Variants in ZNF423 observed in about 807,000 individuals in gnomAD.
ZNF423 encodes the protein zinc finger protein 423, also known as Ebf-associated zinc finger protein.
Under a neutral mutation model 95.8 loss-of-function variants are expected in ZNF423, and 12 were observed. That is an observed-to-expected ratio of 0.13 (90% CI 0.08 to 0.20). The LOEUF (loss-of-function observed/expected upper bound fraction) is 0.20, where lower values mean the gene tolerates loss of function less well. Among genes scored for constraint, ZNF423 ranks in the 10% least tolerant of loss-of-function variants. The probability of loss-of-function intolerance (pLI) is 1.00; values close to 1 mark genes in which losing one functional copy is unlikely to be tolerated. For missense variants in ZNF423, 1,316 were observed against 1,737.1 expected (o/e 0.76, Z 4.31); for synonymous variants, 749 against 711.9 (o/e 1.05, Z -0.83).
intron 5 of ZNF423, among the ~76,000 whole-genome samples, chr16:49,556,493 C>T (rs894063460): frequency 2.0e-5 from 3 of 152,128 alleles, no homozygotes; most frequent in Non-Finnish European, 4.4e-5. Flanking sequence ...CTCGGAGGCC[C>T]CCACAGCCCC....
intron 5 of ZNF423, among the ~76,000 whole-genome samples, chr16:49,600,332 A>C (rs1191097097): frequency 6.6e-6 from 1 of 151,862 alleles, no homozygotes; most frequent in Non-Finnish European, 1.5e-5. Context: ...AAAAATAATA[A>C]ATAAAAATTA....
chr16:49,800,855 G>T (rs552496928), intron 1 of ZNF423, among the ~76,000 whole-genome samples: 19 of 152,300 alleles, frequency 1.2e-4, no homozygotes, highest in Non-Finnish European at 2.4e-4. Context: ...CATGGCTTCA[G>T]CTCAAAGGCA....
intron 1 of ZNF423, among the ~76,000 whole-genome samples, chr16:49,829,275 T>A (rs557963743): frequency 6.6e-6 from 1 of 152,322 alleles, no homozygotes; most frequent in African/African-American, 2.4e-5. Context: ...ACGGAACTGC[T>A]TTCCCAGGAG....
At chr16:49,692,997 A>T (rs1250098413) in intron 3 of ZNF423, among the ~76,000 whole-genome samples, 2 of 152,250 alleles carry the variant, frequency 1.3e-5, no homozygotes, top group South Asian at 4.1e-4. Context: ...TGCCTCTGTG[A>T]GTTCCACAAG....
intron 1 of ZNF423, among the ~76,000 whole-genome samples, chr16:49,809,118 G>A (rs913249698): frequency 3.3e-5 from 5 of 152,244 alleles, no homozygotes; most frequent in African/African-American, 1.2e-4. Context: ...CATTTTCCGC[G>A]TGTCCTGCGA....
intron 3 of ZNF423, among the ~76,000 whole-genome samples, chr16:49,709,168 T>TTATATATA (rs534895949): frequency 4.3e-5 from 4 of 93,458 alleles, no homozygotes; most frequent in South Asian, 3.6e-4. Context: ...CAGCAGCCGT[T>TTATATATA]TATATATATA....
intron 1 of ZNF423, among the ~76,000 whole-genome samples, chr16:49,813,221 T>C (rs1212979204): frequency 7.0e-6 from 1 of 142,216 alleles, no homozygotes; most frequent in Admixed American, 7.0e-5. Flanking sequence ...CAGGTCTACC[T>C]TGGTGACTCC....
intron 3 of ZNF423, among the ~76,000 whole-genome samples, chr16:49,686,153 C>T (rs75082990): frequency 1.3e-5 from 2 of 152,174 alleles, no homozygotes; most frequent in African/African-American, 4.8e-5. Flanking sequence ...GGAAGCTCCA[C>T]AGGGGGAGAG....
intron 5 of ZNF423, among the ~76,000 whole-genome samples, chr16:49,622,937 C>A (rs550692783): frequency 1.3e-5 from 2 of 152,262 alleles, no homozygotes; most frequent in East Asian, 3.9e-4. Context: ...GAAGCAGAGA[C>A]CATGTCCCCT....
chr16:49,548,379 T>G (rs1186347112), intron 5 of ZNF423, among the ~76,000 whole-genome samples: 3 of 152,180 alleles, frequency 2.0e-5, no homozygotes, highest in Non-Finnish European at 2.9e-5. Context: ...GTTTATATAT[T>G]TATGCTATTT....
At chr16:49,779,087 A>G (rs2034167926) in intron 2 of ZNF423, among the ~76,000 whole-genome samples, 2 of 152,144 alleles carry the variant, frequency 1.3e-5, no homozygotes, top group African/African-American at 4.8e-5. Context: ...GGACAAATAC[A>G]GACGAAGAAG....
chr16:49,528,300 T>C (rs1343436266), intron 5 of ZNF423, among the ~76,000 whole-genome samples: 10 of 152,262 alleles, frequency 6.6e-5, no homozygotes, highest in African/African-American at 1.9e-4. Context: ...TCCCCCCTGA[T>C]TCATAGCCGC....
At chr16:49,675,652 C>T (rs1272637570) in intron 3 of ZNF423, among the ~76,000 whole-genome samples, 1 of 152,172 alleles carries the variant, frequency 6.6e-6, no homozygotes, top group Non-Finnish European at 1.5e-5. Context: ...CAAGTGCTCA[C>T]ACGCACATGG....
chr16:49,505,349 G>T (rs77403095), intron 7 of ZNF423, among the ~76,000 whole-genome samples: 2 of 152,152 alleles, frequency 1.3e-5, no homozygotes, highest in Non-Finnish European at 2.9e-5. Context: ...AACTTTGATC[G>T]TGTCCATTTT....
chr16:49,605,577 C>T (rs1250365947), intron 5 of ZNF423, among the ~76,000 whole-genome samples: 1 of 152,152 alleles, frequency 6.6e-6, no homozygotes, highest in Non-Finnish European at 1.5e-5. Flanking sequence ...AGAACAGACC[C>T]TCAGGCCCCC....
intron 5 of ZNF423, among the ~76,000 whole-genome samples, chr16:49,540,608 A>G (rs530727854): frequency 3.9e-5 from 6 of 152,280 alleles, no homozygotes; most frequent in South Asian, 2.1e-4. Flanking sequence ...ATTTTGGGGG[A>G]AAAAGCAAAT....
chr16:49,837,608 C>T (rs1189387567), intron 1 of ZNF423, among the ~76,000 whole-genome samples: 1 of 152,226 alleles, frequency 6.6e-6, no homozygotes, highest in Non-Finnish European at 1.5e-5. Context: ...CTTCCTTCAT[C>T]CCTGCTCCAG....
chr16:49,755,367 G>A (rs940105004), intron 2 of ZNF423, among the ~76,000 whole-genome samples: 5 of 152,128 alleles, frequency 3.3e-5, no homozygotes, highest in East Asian at 1.9e-4. Context: ...TCTGCTTGCC[G>A]CTTCCTGCTT....
At chr16:49,552,598 A>G (rs1341265473) in intron 5 of ZNF423, among the ~76,000 whole-genome samples, 1 of 152,188 alleles carries the variant, frequency 6.6e-6, no homozygotes, top group African/African-American at 2.4e-5. Flanking sequence ...GGATTTCTAA[A>G]TCCTCAGCCA....
Sources: allele counts gnomAD v4.1 joint callset (sites outside exome capture counted in the v4.1 genomes callset), GRCh38; gene constraint gnomAD v4.1.1; transcripts MANE v1.5; gene names NCBI Gene and HGNC (gene_info 2026-07-23, HGNC 2026-07-21).